Variants in DIP2A observed in about 807,000 individuals in gnomAD.
The protein encoded by DIP2A is disco-interacting protein 2 homolog A.
Under a neutral mutation model 177.4 loss-of-function variants are expected in DIP2A, and 85 were observed. That is an observed-to-expected ratio of 0.48 (90% CI 0.40 to 0.57). DIP2A has a LOEUF of 0.57. Among genes scored for constraint, DIP2A ranks in the 20% least tolerant of loss-of-function variants. The pLI is 0.00. For synonymous variants in DIP2A, 886 were observed against 881.8 expected (o/e 1.00, Z -0.08); for missense variants, 1,791 against 2,100.2 (o/e 0.85, Z 2.88).
At chr21:46,581,018 G>A in the DIP2A span, among the ~76,000 whole-genome samples, 33 of 152,236 alleles carry the variant, frequency 2.2e-4, no homozygotes, top group African/African-American at 7.9e-4. Flanking sequence ...AGTTCTCCTG[G>A]ATGATATCCT....
chr21:46,547,041 A>T lies in DIP2A; in HGVS notation c.2521A>T (p.Arg841Trp). The change falls in exon 21 of 38, where the codon AGG (arginine) becomes TGG (tryptophan). Residue 841 changes from arginine to tryptophan, a missense_variant and splice_region_variant. By Grantham distance (101) the Arg-to-Trp change is moderately radical (BLOSUM62 -3). Coordinates refer to ENST00000417564, the MANE Select transcript of DIP2A (RefSeq NM_015151.4). ...VEPMKFVYRG[R>W]IAVFSVTVLH... ...GCCCATGAAGTTTGTCTACAGAGGC[A>T]GGTGATGCGCTGCGGACCCCCACGC... The T allele has an allele frequency of 1.2e-6, 2 of 1,613,764 alleles. No homozygotes were observed. The highest frequency in any genetic ancestry group is 1.7e-6 in the Non-Finnish European group (2 of 1,179,700).
chr21:46,545,888 C>G lies in DIP2A; in HGVS notation c.2321C>G (p.Pro774Arg). ...CCTCTCCACTTTGTGCAGGCAGTTC[C>G]GGTCACCACAGGAGGAGCACCCATC... ...GITKNVFEAV[P>R]VTTGGAPIFD... is the part of the protein sequence containing the mutation. Residue 774 changes from proline (P) to arginine (R), a missense_variant, in exon 20 of 38, where the codon CCG becomes CGG. Physicochemically the swap from Pro to Arg is moderately radical, Grantham distance 103. Transcript: ENST00000417564. 1 of 1,613,830 alleles carries G rather than the reference C, an allele frequency of 6.2e-7. No homozygotes were observed. Among genetic ancestry groups the G allele is most frequent in the Non-Finnish European group, 8.5e-7 (1 of 1,179,794 alleles).
Position 46,528,568 on chromosome 21 carries a change from T to TTTATTTTTTTTTTTTTTTTA in DIP2A, c.1103-524_1103-523insTTATTTTTTTTTTTTTTTTA, listed in dbSNP as rs1569043246. ...TTTTTTTTTTTTTTTTTTTTTTTTT[T>TTTATTTTTTTTTTTTTTTTA]AGATAATGTCTTTATTGCCCAGGCT... On this transcript the variant is annotated intron_variant, in intron 8 of 37. Transcript: ENST00000417564. Among the ~76,000 whole-genome samples the TTTATTTTTTTTTTTTTTTTA allele has an allele frequency of 2.2e-5, 2 of 90,576 alleles. 1 individual carries two copies. The highest frequency in any genetic ancestry group is 4.7e-5 in the Non-Finnish European group (2 of 42,836). 59.4% of individuals were successfully genotyped at this position (90,576 alleles called of 152,430 possible). A position where few individuals can be genotyped will look rare whatever the true frequency, so the allele number is the denominator to read the frequency against.
chr21:46,483,080 T>C (rs2839283), intron 1 of DIP2A, among the ~76,000 whole-genome samples: 128,642 of 152,002 alleles, frequency 0.85, 54,753 homozygotes, highest in African/African-American at 0.92. Flanking sequence ...ACAAGGATGA[T>C]GTACTTCCAA....
intron 5 of DIP2A, among the ~76,000 whole-genome samples, chr21:46,499,675 A>G (rs1005306970): frequency 1.3e-5 from 2 of 152,152 alleles, no homozygotes; most frequent in South Asian, 2.1e-4. Context: ...TTGAAATTCT[A>G]TTTTTTAACT....
chr21:46,559,640 C>T (rs1040695983), intron 32 of DIP2A, among the ~76,000 whole-genome samples: 1 of 152,228 alleles, frequency 6.6e-6, no homozygotes, highest in Non-Finnish European at 1.5e-5. Flanking sequence ...CCTTGCTAGA[C>T]GTCGGAAGGG....
chr21:46,536,320 G>T (rs1490620634), intron 13 of DIP2A, among the ~76,000 whole-genome samples: 1 of 152,224 alleles, frequency 6.6e-6, no homozygotes, highest in South Asian at 2.1e-4. Flanking sequence ...TTGGCCAGGG[G>T]CTCTGAGCAG....
At chr21:46,577,687 A>C in the DIP2A span, among the ~76,000 whole-genome samples, 2 of 152,148 alleles carry the variant, frequency 1.3e-5, no homozygotes, top group Non-Finnish European at 2.9e-5. Flanking sequence ...ATGGTAGTCT[A>C]ATGGTAATAG....
intron 8 of DIP2A, among the ~76,000 whole-genome samples, chr21:46,526,970 G>A (rs985050924): frequency 2.0e-5 from 3 of 151,594 alleles, no homozygotes; most frequent in East Asian, 3.9e-4. Context: ...TTCCTGTTGG[G>A]TTTCTAAAGA....
chr21:46,577,482 C>T, the DIP2A span, among the ~76,000 whole-genome samples: 10 of 152,120 alleles, frequency 6.6e-5, no homozygotes, highest in African/African-American at 9.7e-5. Context: ...CCTGTTCCAC[C>T]GGTCTATGTG....
At chr21:46,480,446 G>A (rs1046107999) in intron 1 of DIP2A, among the ~76,000 whole-genome samples, 6 of 152,150 alleles carry the variant, frequency 3.9e-5, no homozygotes, top group Non-Finnish European at 5.9e-5. Flanking sequence ...TTTGAGTGGG[G>A]AGGACACAGA....
At chr21:46,546,337 C>A in intron 20 of DIP2A, 2 of 1,035,566 alleles carry the variant, frequency 1.9e-6, no homozygotes, top group Non-Finnish European at 2.3e-6. Context: ...CTCAACTGGG[C>A]AATTTTGCCC....
chr21:46,518,146 C>T lies in DIP2A; in HGVS notation c.1102+6532C>T, dbSNP rs542197491. ...ATGAATATATCAGAATTTACTTAAG[C>T]ATTATGCTGTTGCTGGAATACATGG... On this transcript the variant is annotated intron_variant, in intron 8 of 37. Coordinates refer to ENST00000417564, the MANE Select transcript of DIP2A (RefSeq NM_015151.4). 1.2e-4 allele frequency among the ~76,000 whole-genome samples: 18 copies of T among 152,312 alleles called. No homozygotes were observed. In the South Asian group the frequency reaches 3.3e-3, roughly 28 times the overall value.
At chr21:46,572,620 C>T (rs1016738790), downstream of DIP2A, among the ~76,000 whole-genome samples, 1 of 152,148 alleles carries the variant, frequency 6.6e-6, no homozygotes, top group Non-Finnish European at 1.5e-5. Flanking sequence ...CCATATGATG[C>T]CCTGCACTAC....
At chr21:46,576,314 C>A in the DIP2A span, among the ~76,000 whole-genome samples, 1 of 152,002 alleles carries the variant, frequency 6.6e-6, no homozygotes. Flanking sequence ...GTGTTGTTCC[C>A]CTCTGTGTGT....
intron 1 of DIP2A, among the ~76,000 whole-genome samples, chr21:46,471,820 T>G (rs1227408632): frequency 6.6e-6 from 1 of 152,170 alleles, no homozygotes; most frequent in Non-Finnish European, 1.5e-5. Context: ...ATGCGGGGGT[T>G]TCCTTTCAGA....
intron 8 of DIP2A, among the ~76,000 whole-genome samples, chr21:46,514,642 GTT>G (rs1159261551): frequency 0.1 from 6,649 of 66,568 alleles, 84 homozygotes; most frequent in Middle Eastern, 0.19. Context: ...TTTTTTTTTG[GTT>G]TTTTTTTTTT....
At chr21:46,550,290 C>G (rs113213574) in intron 22 of DIP2A, among the ~76,000 whole-genome samples, 45 of 152,316 alleles carry the variant, frequency 3.0e-4, no homozygotes, top group African/African-American at 1.0e-3. Context: ...TGCCCCATCC[C>G]TCAGCCTCTG....
chr21:46,537,501 A>G lies in DIP2A; in HGVS notation c.1763A>G (p.Asn588Ser). The G allele has an allele frequency of 4.3e-6, 7 of 1,614,222 alleles. No individual in the cohort carries two copies. Among genetic ancestry groups the G allele is most frequent in the Non-Finnish European group, 5.9e-6 (7 of 1,180,040 alleles). ...VSVPYALMKA[N>S]PLSWIQKVCF... Reference sequence around the variant, plus strand: ...GTCCCCTACGCGCTGATGAAGGCGAACCCACTCTCCTGGATCCAGAAAGTG... The same window carrying G: ...GTCCCCTACGCGCTGATGAAGGCGAGCCCACTCTCCTGGATCCAGAAAGTG... Residue 588 changes from asparagine (N) to serine (S), a missense_variant, in exon 15 of 38, where the codon AAC becomes AGC. Asn to Ser is a conservative substitution (Grantham distance 46). Transcript: ENST00000417564. This position sits in a 1 kb window ranked among gnomAD's most constrained non-coding sequence, Gnocchi z 4.1.
Sources: allele counts gnomAD v4.1 joint callset (sites outside exome capture counted in the v4.1 genomes callset), GRCh38; gene constraint gnomAD v4.1.1; non-coding constraint Gnocchi (gnomAD v3.1); transcripts MANE v1.5; gene names NCBI Gene and HGNC (gene_info 2026-07-23, HGNC 2026-07-21).